FOXP2: variants seen among roughly 807,000 people sequenced by gnomAD.
FOXP2 encodes the protein forkhead box protein P2.
FOXP2 carries 12 observed loss-of-function variants against 115.8 expected under a neutral mutation model. That is an observed-to-expected ratio of 0.10 (90% CI 0.07 to 0.17). The LOEUF is 0.17. Ranked by LOEUF, FOXP2 falls within the 10% of genes least tolerant of loss-of-function variation. FOXP2 has a pLI of 1.00. For synonymous variants in FOXP2, 328 were observed against 297.7 expected (o/e 1.10, Z -1.05); for missense variants, 629 against 843.5 (o/e 0.75, Z 3.15).
chr7:114,249,048 C>T (rs1317405493), intron 1 of FOXP2, among the ~76,000 whole-genome samples: 1 of 152,068 alleles, frequency 6.6e-6, no homozygotes, highest in Non-Finnish European at 1.5e-5. Flanking sequence ...GAAAAAGTAC[C>T]TGCTCTATGG....
At chr7:114,371,912 T>C (rs1792018414) in intron 2 of FOXP2, among the ~76,000 whole-genome samples, 2 of 152,206 alleles carry the variant, frequency 1.3e-5, no homozygotes, top group South Asian at 2.1e-4. Context: ...TCAATAGTAA[T>C]ATTTACTGTT....
chr7:114,214,979 C>G (rs1465987946), intron 1 of FOXP2, among the ~76,000 whole-genome samples: 1 of 152,060 alleles, frequency 6.6e-6, no homozygotes, highest in Non-Finnish European at 1.5e-5. Flanking sequence ...CTTTTTAAAG[C>G]ATTTTGGATA....
chr7:114,397,961 A>C (rs1333510295), intron 2 of FOXP2, among the ~76,000 whole-genome samples: 1 of 152,178 alleles, frequency 6.6e-6, no homozygotes, highest in African/African-American at 2.4e-5. Context: ...AAGAACTGAG[A>C]AGAGAGAAAT....
At chr7:114,353,059 C>G (rs3942611) in intron 2 of FOXP2, among the ~76,000 whole-genome samples, 7 of 152,022 alleles carry the variant, frequency 4.6e-5, no homozygotes, top group African/African-American at 1.7e-4. Flanking sequence ...GATAGGTTTT[C>G]TTCATAGACT....
intron 2 of FOXP2, among the ~76,000 whole-genome samples, chr7:114,316,317 TTACTC>T (rs1351383047): frequency 6.6e-6 from 1 of 152,184 alleles, no homozygotes; most frequent in African/African-American, 2.4e-5. Flanking sequence ...AAAATATACA[TTACTC>T]TAATTCTCCA....
At chr7:114,319,407 A>T in intron 2 of FOXP2, among the ~76,000 whole-genome samples, 1 of 152,240 alleles carries the variant, frequency 6.6e-6, no homozygotes, top group East Asian at 1.9e-4. Flanking sequence ...CCATTTTCAC[A>T]GAAAGCATAT....
At chr7:114,096,064 T>G (rs1016663290) in intron 1 of FOXP2, among the ~76,000 whole-genome samples, 3 of 152,178 alleles carry the variant, frequency 2.0e-5, no homozygotes, top group African/African-American at 4.8e-5. Context: ...CCTACTTTGC[T>G]TTCCCAGTCC....
chr7:114,480,958 A>G (rs1008178041), intron 2 of FOXP2, among the ~76,000 whole-genome samples: 17 of 151,222 alleles, frequency 1.1e-4, no homozygotes, highest in African/African-American at 4.1e-4. Flanking sequence ...GCTCTGGATA[A>G]TGAATGTGGT....
chr7:114,162,519 T>G (rs1329199844), upstream of FOXP2, among the ~76,000 whole-genome samples: 2 of 152,114 alleles, frequency 1.3e-5, no homozygotes, highest in Non-Finnish European at 2.9e-5. Context: ...ATTTTTTCCT[T>G]TACACTTTTC....
intron 2 of FOXP2, among the ~76,000 whole-genome samples, chr7:114,309,620 C>A (rs1203448265): frequency 2.0e-5 from 3 of 152,064 alleles, no homozygotes; most frequent in Non-Finnish European, 4.4e-5. Context: ...ATTGTCTGAT[C>A]AGCAGCTACA....
intron 1 of FOXP2, among the ~76,000 whole-genome samples, chr7:114,241,657 G>T (rs1297727317): frequency 6.6e-6 from 1 of 151,878 alleles, no homozygotes; most frequent in African/African-American, 2.4e-5. Context: ...TGAACTCAAG[G>T]ATTATGAGAA....
chr7:114,140,627 C>T (rs1014015052), intron 1 of FOXP2, among the ~76,000 whole-genome samples: 2 of 152,212 alleles, frequency 1.3e-5, no homozygotes, highest in African/African-American at 2.4e-5. Flanking sequence ...TGGCAGGTAA[C>T]TAGGCTGTTA....
At chr7:114,246,901 A>T (rs894828757) in intron 1 of FOXP2, among the ~76,000 whole-genome samples, 8 of 152,100 alleles carry the variant, frequency 5.3e-5, no homozygotes, top group African/African-American at 1.9e-4. Flanking sequence ...GCCAAGTCTT[A>T]TTTTTTAAAA....
chr7:114,524,307 A>G (rs1423224175), intron 2 of FOXP2, among the ~76,000 whole-genome samples: 5 of 152,188 alleles, frequency 3.3e-5, no homozygotes, highest in Admixed American at 6.5e-5. Context: ...TTCATAAAAA[A>G]TAAAGAAAAA....
chr7:114,451,926 G>A (rs960080126), intron 2 of FOXP2, among the ~76,000 whole-genome samples: 9 of 151,920 alleles, frequency 5.9e-5, no homozygotes, highest in Admixed American at 5.2e-4. Flanking sequence ...TTTTTATGCC[G>A]AATAATACAT....
chr7:114,540,367 G>C (rs757533845), intron 3 of FOXP2, among the ~76,000 whole-genome samples: 13 of 151,958 alleles, frequency 8.6e-5, no homozygotes, highest in Non-Finnish European at 1.8e-4. Flanking sequence ...CACAGTGCTT[G>C]GTGAATAATA....
chr7:114,530,738 A>G (rs1799105454), intron 2 of FOXP2, among the ~76,000 whole-genome samples: 1 of 151,892 alleles, frequency 6.6e-6, no homozygotes, highest in African/African-American at 2.4e-5. Flanking sequence ...TGTGAGGTTC[A>G]TAACTAGCAT....
At chr7:114,282,988 G>A (rs1338050959) in intron 1 of FOXP2, among the ~76,000 whole-genome samples, 3 of 152,140 alleles carry the variant, frequency 2.0e-5, no homozygotes, top group Non-Finnish European at 4.4e-5. Flanking sequence ...ATATTCCTCA[G>A]AAGCCTATGA....
chr7:114,478,781 C>T (rs576444337), intron 2 of FOXP2, among the ~76,000 whole-genome samples: 17 of 151,840 alleles, frequency 1.1e-4, no homozygotes, highest in African/African-American at 3.6e-4. Context: ...TGTAAATGAA[C>T]TAACACAACA....
Sources: allele counts gnomAD v4.1 joint callset (sites outside exome capture counted in the v4.1 genomes callset), GRCh38; gene constraint gnomAD v4.1.1; transcripts MANE v1.5; gene names NCBI Gene and HGNC (gene_info 2026-07-23, HGNC 2026-07-21).